LRP1B: variants seen among roughly 807,000 people sequenced by gnomAD.
The protein encoded by LRP1B is LDL receptor related protein 1B.
Under a neutral mutation model 556.6 loss-of-function variants are expected in LRP1B, and 217 were observed. The ratio of observed to expected loss-of-function variants is 0.39; its 90% CI spans 0.35 to 0.44. The LOEUF (loss-of-function observed/expected upper bound fraction) is 0.44. Among genes scored for constraint, LRP1B ranks in the 20% least tolerant of loss-of-function variants. The pLI, the probability that LRP1B is intolerant of heterozygous loss-of-function variation, is 1.00. For missense variants in LRP1B, 5,053 were observed against 5,620.8 expected, an observed-to-expected ratio of 0.90 and a Z score of 3.23; for synonymous variants, 2,047 against 1,865.8, an observed-to-expected ratio of 1.10 and a Z score of -2.50.
chr2:141,286,694 A>C (rs1385537215), intron 3 of LRP1B: 1 of 446,410 alleles, frequency 2.2e-6, no homozygotes, highest in Non-Finnish European at 4.5e-6. Flanking sequence ...ATTTTATTTC[A>C]TCTGGAGTTA....
intron 33 of LRP1B, among the ~76,000 whole-genome samples, chr2:140,774,748 T>C (rs527823540): frequency 3.9e-5 from 6 of 152,318 alleles, no homozygotes; most frequent in Admixed American, 2.0e-4. Context: ...CTCAATTACG[T>C]AATCTATTTC....
At chr2:141,787,570 G>A (rs1287560522) in intron 2 of LRP1B, among the ~76,000 whole-genome samples, 4 of 151,758 alleles carry the variant, frequency 2.6e-5, no homozygotes, top group African/African-American at 7.3e-5. Context: ...ATCAGTGTCA[G>A]GGATCAAAGG....
chr2:141,025,335 T>C (rs944796795), intron 11 of LRP1B, among the ~76,000 whole-genome samples: 1 of 152,116 alleles, frequency 6.6e-6, no homozygotes, highest in African/African-American at 2.4e-5. Context: ...GAATTCTGCA[T>C]TGATTTACAC....
At chr2:140,506,292 T>A (rs908332782) in intron 53 of LRP1B, among the ~76,000 whole-genome samples, 85 of 152,266 alleles carry the variant, frequency 5.6e-4, no homozygotes, top group Non-Finnish European at 5.4e-4. Flanking sequence ...TCACCCAGGC[T>A]GGAGTGCAGT....
chr2:142,039,205 A>G (rs1297750077), intron 1 of LRP1B, among the ~76,000 whole-genome samples: 4 of 151,506 alleles, frequency 2.6e-5, no homozygotes, highest in Non-Finnish European at 1.5e-5. Context: ...TAATAATTGA[A>G]ATTTTTTTCA....
At chr2:141,128,097 C>G (rs934485785) in intron 7 of LRP1B, among the ~76,000 whole-genome samples, 7 of 152,212 alleles carry the variant, frequency 4.6e-5, no homozygotes, top group Admixed American at 6.5e-5. Flanking sequence ...CCTCCTGCCT[C>G]AGGCTCCCAA....
At chr2:142,090,043 G>A (rs1368810005) in intron 1 of LRP1B, among the ~76,000 whole-genome samples, 5 of 152,038 alleles carry the variant, frequency 3.3e-5, no homozygotes, top group African/African-American at 9.7e-5. Context: ...TGGCATCTAT[G>A]TGGATAATGA....
chr2:141,136,546 A>G (rs1034245260), intron 7 of LRP1B, among the ~76,000 whole-genome samples: 3 of 151,524 alleles, frequency 2.0e-5, no homozygotes, highest in African/African-American at 7.2e-5. Flanking sequence ...TATCTAGTAT[A>G]ATTCATTATT....
At chr2:140,958,081 C>T (rs1339161354) in intron 18 of LRP1B, among the ~76,000 whole-genome samples, 1 of 151,308 alleles carries the variant, frequency 6.6e-6, no homozygotes, top group African/African-American at 2.4e-5. Flanking sequence ...AAAGACATCA[C>T]CCAAGAAAGT....
intron 11 of LRP1B, among the ~76,000 whole-genome samples, chr2:141,023,436 T>G (rs1418986039): frequency 6.6e-6 from 1 of 151,868 alleles, no homozygotes; most frequent in Non-Finnish European, 1.5e-5. Flanking sequence ...AAAAGAATAA[T>G]GATGTGGATT....
In LRP1B at chr2:141,188,587, A is replaced by G; in HGVS notation, c.851-4T>C. ...TCAATCGCCATTTGTTGCACATCTG[A>G]AAAACACATACACAAAATCATTGAA... On this transcript the variant is annotated splice_polypyrimidine_tract_variant and splice_region_variant and intron_variant, in intron 6 of 90. Coordinates refer to ENST00000389484, the MANE Select transcript of LRP1B (RefSeq NM_018557.3). 1 of 1,611,296 alleles carries G rather than the reference A, an allele frequency of 6.2e-7. No homozygotes were observed. Among genetic ancestry groups the G allele is most frequent in the Admixed American group, 1.7e-5 (1 of 59,550 alleles).
At chr2:141,451,514 G>A (rs1228071115) in intron 3 of LRP1B, among the ~76,000 whole-genome samples, 1 of 152,052 alleles carries the variant, frequency 6.6e-6, no homozygotes, top group Non-Finnish European at 1.5e-5. Flanking sequence ...CAGTACTGTA[G>A]GCACCTGTGG....
At chr2:141,352,624 C>G (rs1250403502) in intron 3 of LRP1B, among the ~76,000 whole-genome samples, 1 of 151,778 alleles carries the variant, frequency 6.6e-6, no homozygotes, top group South Asian at 2.1e-4. Context: ...TAAACAGATG[C>G]TTACCCAAAA....
chr2:140,341,199 CGT>C (rs1294143318), intron 77 of LRP1B, among the ~76,000 whole-genome samples: 4 of 151,608 alleles, frequency 2.6e-5, no homozygotes, highest in Non-Finnish European at 4.4e-5. Flanking sequence ...ATTATGAATA[CGT>C]GTGTGTGCAC....
intron 3 of LRP1B, among the ~76,000 whole-genome samples, chr2:141,478,791 T>C (rs781279744): frequency 3.3e-5 from 5 of 152,076 alleles, no homozygotes; most frequent in Admixed American, 1.3e-4. Flanking sequence ...GTGATCTGCC[T>C]GCTTGGGCCT....
At chr2:140,533,970 A>C (rs757788924) in intron 47 of LRP1B, 51 bp downstream of exon 47, 2 of 1,602,474 alleles carry the variant, frequency 1.2e-6, no homozygotes, top group South Asian at 1.1e-5. Context: ...GGAAAAGTTC[A>C]GGAAACACTT....
At chr2:142,007,016 A>T (rs1702825072) in intron 1 of LRP1B, among the ~76,000 whole-genome samples, 1 of 152,194 alleles carries the variant, frequency 6.6e-6, no homozygotes, top group South Asian at 2.1e-4. Context: ...TGTCAAAAAC[A>T]AACACAATGA....
intron 1 of LRP1B, among the ~76,000 whole-genome samples, chr2:141,967,166 ACTACTT>A (rs1169984868): frequency 6.6e-6 from 1 of 151,922 alleles, no homozygotes; most frequent in South Asian, 2.1e-4. Context: ...TTCTTTCCTT[ACTACTT>A]CTAATTTCTC....
intron 3 of LRP1B, among the ~76,000 whole-genome samples, chr2:141,466,100 G>A (rs1439639982): frequency 1.3e-5 from 2 of 150,430 alleles, no homozygotes; most frequent in African/African-American, 2.5e-5. Context: ...TCTTGACCAG[G>A]CTGGTCTTGA....
Sources: gnomAD v4.1 joint callset for allele counts (sites outside exome capture counted in the v4.1 genomes callset) on GRCh38, gnomAD v4.1.1 for gene constraint, MANE v1.5 for transcripts, NCBI Gene and HGNC (gene_info 2026-07-23, HGNC 2026-07-21) for gene names.